The following ZFP90 variants were observed in gnomAD, a reference collection of about 807,000 sequenced individuals.
The protein encoded by ZFP90 is ZFP90 zinc finger protein, also known as zinc finger protein 90 homolog.
ZFP90 carries 38 observed loss-of-function variants against 60.8 expected under a neutral mutation model. That is an observed-to-expected ratio of 0.62 (90% CI 0.48 to 0.82). ZFP90 has a LOEUF of 0.82. Ranked by LOEUF, ZFP90 falls within the 40% of genes least tolerant of loss-of-function variation. The pLI, the probability that ZFP90 is intolerant of heterozygous loss-of-function variation, is 0.00. For missense variants in ZFP90, 711 were observed against 759.1 expected, an observed-to-expected ratio of 0.94 and a Z score of 0.74; for synonymous variants, 287 against 264.8, an observed-to-expected ratio of 1.08 and a Z score of -0.82.
chr16:68,559,207 A>C (rs954721892), intron 4 of ZFP90, among the ~76,000 whole-genome samples: 15 of 152,142 alleles, frequency 9.9e-5, no homozygotes, highest in South Asian at 4.1e-4. Flanking sequence ...TTAACAGAGT[A>C]CCTGCCTCCT....
At position 68,539,453 on chromosome 16, in the gene ZFP90, G is replaced by T; in HGVS notation, c.-62G>T. ...GGGTGGGCCGGAGGTCGCGAAATCCGGAGCCCCCCAGAGGCGGTGATTCTG... is the reference window on the plus strand; with the variant it reads ...GGGTGGGCCGGAGGTCGCGAAATCCTGAGCCCCCCAGAGGCGGTGATTCTG... On this transcript the variant is annotated 5_prime_UTR_variant, in exon 1 of 5. Coordinates refer to ENST00000563169, the MANE Select transcript of ZFP90 (RefSeq NM_001305203.2). The T allele has an allele frequency of 2.7e-6, 1 of 368,636 alleles. No individual in the cohort carries two copies. The highest frequency in any genetic ancestry group is 4.9e-6 in the Non-Finnish European group (1 of 205,304). 22.8% of individuals were successfully genotyped at this position (368,636 alleles called of 1,614,324 possible).
intron 2 of ZFP90, among the ~76,000 whole-genome samples, chr16:68,548,972 T>A (rs1306088171): frequency 6.6e-6 from 1 of 152,228 alleles, no homozygotes; most frequent in East Asian, 1.9e-4. Flanking sequence ...CATGTGTTTT[T>A]TTTTAATCCT....
In ZFP90 at chr16:68,540,822, AAAAAAAAAT is replaced by A. The variant is rs1221541701; in HGVS notation, c.33+998_33+1006del. Among the ~76,000 whole-genome samples, 81 of 150,504 alleles carry A rather than the reference AAAAAAAAAT, an allele frequency of 5.4e-4. 1 individual carries two copies. The highest frequency in any genetic ancestry group is 2.0e-3 in the African/African-American group (80 of 40,862). ...CTCCGTCTCTGCAAAAAAAAAAAAA[AAAAAAAAAT>A]TTAAAAGATAAAAACACCAACTTAG... On this transcript the variant is annotated intron_variant, in intron 2 of 4. Coordinates refer to ENST00000563169, the MANE Select transcript of ZFP90 (RefSeq NM_001305203.2).
At chr16:68,539,637 T>G (rs1291757912) in intron 1 of ZFP90, 121 bp from the exon 2 acceptor site, 1 of 781,362 alleles carries the variant, frequency 1.3e-6, no homozygotes, top group African/African-American at 1.9e-5. Context: ...CCCGGGCTGG[T>G]TCCACGGTCC....
chr16:68,570,535 C>T (rs78368292), downstream of ZFP90, among the ~76,000 whole-genome samples: 1,209 of 152,296 alleles, frequency 7.9e-3, 9 homozygotes, highest in African/African-American at 0.026. Context: ...GGATTATTGT[C>T]ATGGAAAGGG....
At chr16:68,538,154 C>G (rs1465435115), upstream of ZFP90, among the ~76,000 whole-genome samples, 3 of 151,764 alleles carry the variant, frequency 2.0e-5, no homozygotes, top group African/African-American at 7.3e-5. Flanking sequence ...TCAGGTGATC[C>G]GCCAGCCTCA....
chr16:68,544,516 T>C (rs1047132652), intron 2 of ZFP90, among the ~76,000 whole-genome samples: 1 of 152,170 alleles, frequency 6.6e-6, no homozygotes, highest in Non-Finnish European at 1.5e-5. Flanking sequence ...AGAGATTTCC[T>C]TGATAGAGAG....
At chr16:68,534,233 CT>C (rs869142804) in intron 2 of ZFP90, among the ~76,000 whole-genome samples, 19 of 141,464 alleles carry the variant, frequency 1.3e-4, no homozygotes, top group East Asian at 6.2e-4. Flanking sequence ...TTCTTTCTTT[CT>C]TTTTTTTTTT....
Position 68,539,804 on chromosome 16 carries a change from G to C in ZFP90, c.12G>C (p.Arg4Ser). The change falls in exon 2 of 5, where the codon AGG becomes AGC. Residue 4 changes from arginine to serine, a missense_variant. Coordinates refer to ENST00000563169, the MANE Select transcript of ZFP90 (RefSeq NM_001305203.2). ...CTGGCGAGGCAGGAATGGCCCCGAG[G>C]CCTCCGACCGCCGCGCCCCAGGTGA... MAPRPPTAAPQESV... is the reference protein window; with the variant it reads MAPSPPTAAPQESV... 6.2e-7 allele frequency: 1 copy of C among 1,603,998 alleles called. No homozygotes were observed. Among genetic ancestry groups the C allele is most frequent in the Non-Finnish European group, 8.5e-7 (1 of 1,176,926 alleles).
At chr16:68,536,132 A>G (rs2152049378), upstream of ZFP90, among the ~76,000 whole-genome samples, 1 of 152,186 alleles carries the variant, frequency 6.6e-6, no homozygotes, top group South Asian at 2.1e-4. Flanking sequence ...TCTCCTTACA[A>G]ACAGCGTTGT....
chr16:68,569,154 T>TTTTG (rs1377977964), downstream of ZFP90, among the ~76,000 whole-genome samples: 1 of 149,538 alleles, frequency 6.7e-6, no homozygotes, highest in Non-Finnish European at 1.5e-5. Flanking sequence ...TTTTTTTTTT[T>TTTTG]GAGATGGAGT....
At chr16:68,540,831 T>A (rs1184928) in intron 2 of ZFP90, among the ~76,000 whole-genome samples, 88,700 of 116,220 alleles carry the variant, frequency 0.76, 33,913 homozygotes, top group East Asian at 0.8. Flanking sequence ...AAAAAAAAAA[T>A]TTAAAAGATA....
At chr16:68,557,857 A>G in intron 2 of ZFP90, 141 bp from the exon 3 acceptor site, 12 of 1,159,684 alleles carry the variant, frequency 1.0e-5, no homozygotes, top group Non-Finnish European at 1.5e-5. Flanking sequence ...GTAAACAATA[A>G]GTTTATGTAA....
downstream of ZFP90, chr16:68,567,155 A>G (rs2091541292): frequency 2.0e-6 from 2 of 985,570 alleles, no homozygotes; most frequent in Non-Finnish European, 2.4e-6. Flanking sequence ...GTCGTTTTCA[A>G]TTTTCAGAAC....
At chr16:68,561,557 A>G (rs1276868794) in intron 4 of ZFP90, among the ~76,000 whole-genome samples, 2 of 152,180 alleles carry the variant, frequency 1.3e-5, no homozygotes, top group Non-Finnish European at 2.9e-5. Context: ...ATGCCATCTG[A>G]TGGTTTTACC....
chr16:68,565,691 A>C lies in ZFP90; in HGVS notation c.*993A>C. On this transcript the variant is annotated 3_prime_UTR_variant, in exon 5 of 5. Coordinates refer to ENST00000563169, the MANE Select transcript of ZFP90 (RefSeq NM_001305203.2). ...TCAGATCAATGGGAAAACAACAGAA[A>C]ACTAAGAGGAGAATTTTCCCGTTAA... 1 of 984,576 alleles carries C rather than the reference A, an allele frequency of 1.0e-6. No homozygotes were observed. The highest frequency in any genetic ancestry group is 1.2e-6 in the Non-Finnish European group (1 of 829,810). 61.0% of individuals were successfully genotyped at this position (984,576 alleles called of 1,614,324 possible).
Position 68,566,010 on chromosome 16 carries a change from G to T in ZFP90, c.*1312G>T. 9.2e-6 allele frequency: 7 copies of T among 761,652 alleles called. No homozygotes were observed. Among genetic ancestry groups the T allele is most frequent in the Non-Finnish European group, 9.6e-6 (6 of 625,934 alleles). The allele number at this position is 761,652 out of a possible 1,614,324, so 47.2% of individuals were successfully genotyped here. On this transcript the variant is annotated 3_prime_UTR_variant, in exon 5 of 5. Transcript: ENST00000563169. ...TTAGCTGGGCATGGTGGCATGCAGT[G>T]GTAGTCCCAGCTACTCAGGAGGCTG...
At chr16:68,539,888 G>A in intron 2 of ZFP90, 63 bp downstream of exon 2, 1 of 1,570,442 alleles carries the variant, frequency 6.4e-7, no homozygotes, top group African/African-American at 1.3e-5. Flanking sequence ...TCTCCCAAGG[G>A]TGTTTGGAGC....
At chr16:68,540,808 C>CAAAAAAAAAAAAAAAA (rs35122186) in intron 2 of ZFP90, among the ~76,000 whole-genome samples, 11 of 92,656 alleles carry the variant, frequency 1.2e-4, no homozygotes, top group Non-Finnish European at 2.2e-4. Context: ...TCCGTCTCTG[C>CAAAAAAAAAAAAAAAA]AAAAAAAAAA....
Sources: allele counts gnomAD v4.1 joint callset (sites outside exome capture counted in the v4.1 genomes callset), GRCh38; gene constraint gnomAD v4.1.1; transcripts MANE v1.5; gene names NCBI Gene and HGNC (gene_info 2026-07-23, HGNC 2026-07-21).